Variants in GNAQ observed in about 807,000 individuals in gnomAD.
The protein encoded by GNAQ is G protein subunit alpha q.
Under a neutral mutation model 43.9 loss-of-function variants are expected in GNAQ, and 8 were observed. The observed-to-expected ratio is 0.18, with a 90% CI of 0.11 to 0.33. The LOEUF (loss-of-function observed/expected upper bound fraction) is 0.33. GNAQ is among the 10% of genes least tolerant of loss of function. GNAQ has a pLI of 1.00. For synonymous variants in GNAQ, 155 were observed against 170.7 expected (o/e 0.91, Z 0.71); for missense variants, 158 against 450.8 (o/e 0.35, Z 5.88).
At chr9:77,921,480 T>C (rs1415518793) in intron 2 of GNAQ, among the ~76,000 whole-genome samples, 1 of 152,180 alleles carries the variant, frequency 6.6e-6, no homozygotes, top group Non-Finnish European at 1.5e-5. Context: ...AGGGGAGAAG[T>C]GGGATGGTAT....
chr9:78,007,325 T>G (rs1823719376), intron 1 of GNAQ, among the ~76,000 whole-genome samples: 1 of 150,832 alleles, frequency 6.6e-6, no homozygotes, highest in Admixed American at 6.6e-5. Context: ...AAACCTTGAC[T>G]AAAATATTTA....
chr9:77,726,587 T>C (rs1233857174), intron 6 of GNAQ, among the ~76,000 whole-genome samples: 1 of 152,218 alleles, frequency 6.6e-6, no homozygotes, highest in Non-Finnish European at 1.5e-5. Context: ...ATTACTTTTC[T>C]GAGGAAGCTT....
intron 1 of GNAQ, among the ~76,000 whole-genome samples, chr9:78,011,847 G>C (rs1273274755): frequency 6.6e-6 from 1 of 152,014 alleles, no homozygotes; most frequent in Non-Finnish European, 1.5e-5. Context: ...TGAATGATTG[G>C]TGTACCTAAA....
At chr9:77,737,814 C>T (rs1034548529) in intron 5 of GNAQ, among the ~76,000 whole-genome samples, 1 of 152,186 alleles carries the variant, frequency 6.6e-6, no homozygotes, top group African/African-American at 2.4e-5. Flanking sequence ...AAAGGTACAA[C>T]TTGGCTGAAC....
chr9:77,826,726 T>C lies in GNAQ; in HGVS notation c.322-10956A>G, dbSNP rs181908504. The stretch of plus-strand genomic sequence containing the variant: ...CCTTATCCCTCCAATGAGGTAATGA[T>C]AACTATGTCACAGCACCGTTATAAA... On this transcript the variant is annotated intron_variant, in intron 2 of 6. Coordinates refer to ENST00000286548, the MANE Select transcript of GNAQ (RefSeq NM_002072.5). Among the ~76,000 whole-genome samples the C allele has an allele frequency of 1.2e-3, 177 of 152,368 alleles. 2 individuals are homozygous for C. The highest frequency in any genetic ancestry group is 0.01 in the Admixed American group (154 of 15,304).
intron 1 of GNAQ, among the ~76,000 whole-genome samples, chr9:78,028,561 A>T (rs548383296): frequency 1.2e-3 from 178 of 152,326 alleles, no homozygotes; most frequent in African/African-American, 4.1e-3. Flanking sequence ...CCTTGAACTA[A>T]AATTTACTTT....
At chr9:77,853,439 G>T (rs906121883) in intron 2 of GNAQ, among the ~76,000 whole-genome samples, 1 of 152,076 alleles carries the variant, frequency 6.6e-6, no homozygotes, top group Non-Finnish European at 1.5e-5. Flanking sequence ...TTATACCACT[G>T]GACGAAATTT....
chr9:77,910,746 C>T (rs1048812248), intron 2 of GNAQ, among the ~76,000 whole-genome samples: 1 of 152,144 alleles, frequency 6.6e-6, no homozygotes, highest in Admixed American at 6.5e-5. Context: ...CAATGGACAA[C>T]ACTTTCAACT....
chr9:77,783,767 G>T (rs1169417101), intron 5 of GNAQ, among the ~76,000 whole-genome samples: 4 of 152,062 alleles, frequency 2.6e-5, no homozygotes, highest in Non-Finnish European at 5.9e-5. Flanking sequence ...CTTTAAAAAA[G>T]AATTATTTTT....
intron 2 of GNAQ, among the ~76,000 whole-genome samples, chr9:77,871,021 A>C (rs1213427056): frequency 6.6e-6 from 1 of 152,160 alleles, no homozygotes; most frequent in Non-Finnish European, 1.5e-5. Context: ...CTACATGCTA[A>C]TGGTAGTGGT....
chr9:77,811,567 T>C (rs189103588), intron 3 of GNAQ, among the ~76,000 whole-genome samples: 182 of 152,290 alleles, frequency 1.2e-3, no homozygotes, highest in African/African-American at 4.2e-3. Context: ...TGCTGTCGTA[T>C]TTGCCAGTTC....
At chr9:77,922,426 G>T in intron 1 of GNAQ, 81 bp from the exon 2 acceptor site, 2 of 955,418 alleles carry the variant, frequency 2.1e-6, no homozygotes, top group Non-Finnish European at 1.6e-6. Context: ...ACCATGCCTT[G>T]GATTTAACAT....
chr9:77,794,744 C>T (rs563521417), intron 4 of GNAQ, 152 bp from the exon 5 acceptor site: 1 of 457,918 alleles, frequency 2.2e-6, no homozygotes, highest in Non-Finnish European at 3.9e-6. Context: ...TGAATAATTA[C>T]TAATTTCTTA....
chr9:77,755,147 C>T (rs1825880753), intron 5 of GNAQ, among the ~76,000 whole-genome samples: 1 of 152,168 alleles, frequency 6.6e-6, no homozygotes, highest in Non-Finnish European at 1.5e-5. Context: ...ACAAACTTTG[C>T]ATATTCTCAT....
intron 2 of GNAQ, among the ~76,000 whole-genome samples, chr9:77,852,443 T>A (rs889216191): frequency 6.6e-6 from 1 of 152,206 alleles, no homozygotes; most frequent in African/African-American, 2.4e-5. Flanking sequence ...TGGCAATGCA[T>A]AATCAACCTG....
intron 1 of GNAQ, among the ~76,000 whole-genome samples, chr9:77,935,437 A>G (rs1327942901): frequency 6.6e-6 from 1 of 152,188 alleles, no homozygotes; most frequent in Non-Finnish European, 1.5e-5. Flanking sequence ...CACTTCTCCT[A>G]AAACAAAAAA....
intron 2 of GNAQ, among the ~76,000 whole-genome samples, chr9:77,877,125 C>T (rs1272493226): frequency 2.6e-5 from 4 of 152,266 alleles, no homozygotes; most frequent in African/African-American, 4.8e-5. Context: ...GAAAGTCCTA[C>T]GAATGAATGG....
intron 5 of GNAQ, among the ~76,000 whole-genome samples, chr9:77,748,615 T>C (rs1476376584): frequency 6.6e-6 from 1 of 152,194 alleles, no homozygotes; most frequent in African/African-American, 2.4e-5. Flanking sequence ...AATTCTAGGG[T>C]TGGGGCATCT....
intron 1 of GNAQ, among the ~76,000 whole-genome samples, chr9:77,982,266 G>A (rs1373724142): frequency 6.6e-6 from 1 of 152,176 alleles, no homozygotes; most frequent in Non-Finnish European, 1.5e-5. Context: ...TTGTAGGGAG[G>A]TGTGGGCTCA....
Sources: allele counts gnomAD v4.1 joint callset (sites outside exome capture counted in the v4.1 genomes callset), GRCh38; gene constraint gnomAD v4.1.1; transcripts MANE v1.5; gene names NCBI Gene and HGNC (gene_info 2026-07-23, HGNC 2026-07-21).